The following RBFOX1 variants were observed in gnomAD, a reference collection of about 807,000 sequenced individuals.
The protein encoded by RBFOX1 is RNA binding protein fox-1 homolog 1.
In RBFOX1, 8 loss-of-function variants were observed where a neutral mutation model predicts 57.7. The observed-to-expected ratio is 0.14, with a 90% confidence interval of 0.08 to 0.25. RBFOX1 has a LOEUF of 0.25. Ranked by LOEUF, RBFOX1 falls within the 10% of genes least tolerant of loss-of-function variation. The pLI, the probability that RBFOX1 is intolerant of heterozygous loss-of-function variation, is 1.00. For missense variants in RBFOX1, 611 were observed against 548.5 expected, an observed-to-expected ratio of 1.11 and a Z score of -1.14; for synonymous variants, 326 against 222.4, an observed-to-expected ratio of 1.47 and a Z score of -4.15.
chr16:7,579,048 A>G (rs893786482), intron 5 of RBFOX1, among the ~76,000 whole-genome samples: 8 of 152,346 alleles, frequency 5.3e-5, no homozygotes, highest in Admixed American at 2.6e-4. Context: ...TGCATTATTC[A>G]GTATGGAAGC....
At chr16:7,054,554 A>AGGGGGGGGGT (rs2051435839) in intron 4 of RBFOX1, among the ~76,000 whole-genome samples, 1 of 104,718 alleles carries the variant, frequency 9.5e-6, no homozygotes. Context: ...GTGGGGGGGC[A>AGGGGGGGGGT]TTTTTTAAGG....
intron 1 of RBFOX1, among the ~76,000 whole-genome samples, chr16:5,465,737 T>C (rs553778883): frequency 6.6e-6 from 1 of 152,338 alleles, no homozygotes; most frequent in East Asian, 1.9e-4. Context: ...GTGGATGTTT[T>C]TCCATGGACC....
chr16:6,366,085 A>ATGTGTGTG lies in RBFOX1; in HGVS notation c.-64+49060_-64+49067dup, dbSNP rs71145219. Among the ~76,000 whole-genome samples, 244 of 144,418 alleles carry ATGTGTGTG rather than the reference A, an allele frequency of 1.7e-3. 1 individual carries two copies. The highest frequency in any genetic ancestry group is 5.3e-3 in the African/African-American group (208 of 39,500). The allele number at this position is 144,418 out of a possible 152,430, so 94.7% of individuals were successfully genotyped here. A position where few individuals can be genotyped will look rare whatever the true frequency, so the allele number is the denominator to read the frequency against. ...TCTGGTCGAGAATGGTGGCCATTCTATGTGTGTGTGTGTGTGTGTGTGTGT... is the reference window on the plus strand; with the variant it reads ...TCTGGTCGAGAATGGTGGCCATTCTATGTGTGTGTGTGTGTGTGTGTGTGTGTGTGTGT... On this transcript the variant is annotated intron_variant, in intron 2 of 15. Coordinates refer to ENST00000550418, the MANE Select transcript of RBFOX1 (RefSeq NM_018723.4).
At position 6,407,069 on chromosome 16, in the gene RBFOX1, C is replaced by T. The variant is rs12598134; in HGVS notation, c.-64+90012C>T. Among the ~76,000 whole-genome samples the T allele has an allele frequency of 0.017, 2,529 of 152,206 alleles. 167 individuals carry two copies. The East Asian group carries it at 0.23, about 14-fold the overall frequency. ...ATTATTTCACAACAACATGGTGTTA[C>T]GGTTGAATATCAATGATAGAGAGTA... is the stretch of plus-strand genomic sequence containing the variant. On this transcript the variant is annotated intron_variant, in intron 2 of 15. Coordinates refer to ENST00000550418, the MANE Select transcript of RBFOX1 (RefSeq NM_018723.4).
intron 2 of RBFOX1, among the ~76,000 whole-genome samples, chr16:6,392,621 A>C (rs1001489192): frequency 6.6e-6 from 1 of 152,202 alleles, no homozygotes; most frequent in African/African-American, 2.4e-5. Flanking sequence ...CCGCACACTG[A>C]GGAACCTTTT....
chr16:7,489,629 C>A (rs769783637), intron 4 of RBFOX1, among the ~76,000 whole-genome samples: 7 of 151,896 alleles, frequency 4.6e-5, no homozygotes, highest in Non-Finnish European at 1.0e-4. Flanking sequence ...AATCCTCCAA[C>A]GTCAGTCTCC....
At chr16:6,752,982 C>T (rs1025162643) in intron 3 of RBFOX1, among the ~76,000 whole-genome samples, 7 of 152,040 alleles carry the variant, frequency 4.6e-5, no homozygotes, top group Non-Finnish European at 8.8e-5. Context: ...GGGAAAAATA[C>T]AAATGTGCAA....
intron 2 of RBFOX1, among the ~76,000 whole-genome samples, chr16:6,371,138 A>G (rs553893525): frequency 6.6e-6 from 1 of 152,330 alleles, no homozygotes; most frequent in African/African-American, 2.4e-5. Flanking sequence ...TCTCTCAGAT[A>G]TCTCCAGTAA....
intron 4 of RBFOX1, among the ~76,000 whole-genome samples, chr16:7,228,946 T>A (rs529315034): frequency 2.6e-5 from 4 of 152,190 alleles, no homozygotes; most frequent in African/African-American, 9.6e-5. Context: ...TATAATAATA[T>A]TACAAGGCTT....
At chr16:6,344,367 C>A (rs181994505) in intron 2 of RBFOX1, among the ~76,000 whole-genome samples, 1 of 150,564 alleles carries the variant, frequency 6.6e-6, no homozygotes, top group Non-Finnish European at 1.5e-5. Context: ...TATACAATTA[C>A]ACAATCTTTC....
intron 2 of RBFOX1, among the ~76,000 whole-genome samples, chr16:6,425,376 C>T (rs1375811695): frequency 1.3e-5 from 2 of 152,144 alleles, no homozygotes; most frequent in African/African-American, 4.8e-5. Flanking sequence ...AATTAACAGC[C>T]TCTCCTGAAT....
intron 3 of RBFOX1, among the ~76,000 whole-genome samples, chr16:6,948,375 C>CTTTTTTTTTTTTTTTT (rs968186299): frequency 8.8e-5 from 6 of 67,968 alleles, no homozygotes; most frequent in South Asian, 5.2e-4. Flanking sequence ...TTCTCCCTTT[C>CTTTTTTTTTTTTTTTT]TTTTTTTTTT....
At chr16:6,458,335 G>A (rs1387559855) in intron 2 of RBFOX1, among the ~76,000 whole-genome samples, 2 of 152,078 alleles carry the variant, frequency 1.3e-5, no homozygotes, top group Non-Finnish European at 2.9e-5. Context: ...TTTACTATTG[G>A]TTTCACCTTG....
At chr16:6,296,927 G>A (rs376926050) in intron 1 of RBFOX1, among the ~76,000 whole-genome samples, 1 of 152,180 alleles carries the variant, frequency 6.6e-6, no homozygotes, top group Non-Finnish European at 1.5e-5. Flanking sequence ...GGAAATTAAA[G>A]GAATAAAGAA....
At chr16:5,515,651 A>G (rs759667600) in intron 2 of RBFOX1, among the ~76,000 whole-genome samples, 1 of 152,222 alleles carries the variant, frequency 6.6e-6, no homozygotes, top group Non-Finnish European at 1.5e-5. Context: ...ACTGCTATAA[A>G]TTAGATTAAT....
chr16:7,391,584 C>T (rs887185573), intron 4 of RBFOX1, among the ~76,000 whole-genome samples: 1 of 152,168 alleles, frequency 6.6e-6, no homozygotes, highest in Non-Finnish European at 1.5e-5. Context: ...TTTACTGTAT[C>T]ACTTTATAAC....
chr16:7,374,281 T>C (rs899294489), intron 4 of RBFOX1, among the ~76,000 whole-genome samples: 5 of 152,224 alleles, frequency 3.3e-5, no homozygotes, highest in Non-Finnish European at 2.9e-5. Flanking sequence ...GTGTTTTCGC[T>C]GTGTAAGGGG....
At chr16:7,505,443 C>T (rs938193991) in intron 4 of RBFOX1, among the ~76,000 whole-genome samples, 9 of 152,164 alleles carry the variant, frequency 5.9e-5, no homozygotes, top group African/African-American at 1.9e-4. Flanking sequence ...GGGAACTTCA[C>T]TTGTTCTGGA....
chr16:6,343,498 T>C (rs1296871181), intron 2 of RBFOX1, among the ~76,000 whole-genome samples: 2 of 152,202 alleles, frequency 1.3e-5, no homozygotes, highest in Non-Finnish European at 2.9e-5. Context: ...CCTCTTCTTA[T>C]CCCTCCTGAG....
Sources: gnomAD v4.1 joint callset for allele counts (sites outside exome capture counted in the v4.1 genomes callset) on GRCh38, gnomAD v4.1.1 for gene constraint, MANE v1.5 for transcripts, NCBI Gene and HGNC (gene_info 2026-07-23, HGNC 2026-07-21) for gene names.